The following PCDH1 variants were observed in gnomAD, a reference collection of about 807,000 sequenced individuals.
PCDH1 encodes protocadherin-1.
PCDH1 carries 23 observed loss-of-function variants against 74.6 expected under a neutral mutation model. That is an observed-to-expected ratio of 0.31 (90% CI 0.22 to 0.44). The LOEUF is 0.44. Ranked by LOEUF, PCDH1 falls within the 20% of genes least tolerant of loss-of-function variation. The pLI, the probability that PCDH1 is intolerant of heterozygous loss-of-function variation, is 1.00. For missense variants in PCDH1, 1,214 were observed against 1,641.4 expected (o/e 0.74, Z 4.50); for synonymous variants, 647 against 686.1 (o/e 0.94, Z 0.89).
chr5:141,868,541 T>C lies in PCDH1; in HGVS notation c.903+28A>G. On this transcript the variant is annotated intron_variant, in intron 2 of 4. Coordinates refer to ENST00000287008, the MANE Select transcript of PCDH1 (RefSeq NM_032420.5). This position sits in a 1 kb window ranked among gnomAD's most constrained non-coding sequence, Gnocchi z 4.8. ...TCCCATTTCTAGTGGTGGGTCACCC[T>C]GACAGTTATACGGAGGGGGCCTCTC... 9 of 1,518,380 alleles carry C rather than the reference T, an allele frequency of 5.9e-6. No homozygotes were observed. The highest frequency in any genetic ancestry group is 7.9e-6 in the Non-Finnish European group (9 of 1,135,320). 94.1% of individuals were successfully genotyped at this position (1,518,380 alleles called of 1,614,324 possible).
intron 1 of PCDH1, among the ~76,000 whole-genome samples, chr5:141,871,436 G>A (rs1402926504): frequency 1.3e-5 from 2 of 152,226 alleles, no homozygotes; most frequent in Non-Finnish European, 1.5e-5. Context: ...GGAGAAGAGC[G>A]AGGGTTGTGG....
intron 3 of PCDH1, among the ~76,000 whole-genome samples, chr5:141,861,859 G>GGA (rs150745431): frequency 6.6e-6 from 1 of 151,870 alleles, no homozygotes. Flanking sequence ...AGTGAGAGAT[G>GGA]GAGAGAGAGA....
intron 1 of PCDH1, among the ~76,000 whole-genome samples, chr5:141,872,734 G>A: frequency 6.6e-6 from 1 of 152,198 alleles, no homozygotes; most frequent in East Asian, 1.9e-4. Flanking sequence ...CTGAGGAGTT[G>A]TCTTACCTTC....
At chr5:141,858,119 T>C (rs554717247) in intron 3 of PCDH1, among the ~76,000 whole-genome samples, 1 of 152,314 alleles carries the variant, frequency 6.6e-6, no homozygotes, top group South Asian at 2.1e-4. Context: ...TTTCTTTTCT[T>C]ATCCTGTGTT....
At position 141,869,404 on chromosome 5, in the gene PCDH1, A is replaced by C. The variant is rs764095502; in HGVS notation, c.68T>G (p.Met23Arg). ...AALLILGPPR[M>R]EHLRHSPGPG... ...GCCTGGGCTGTGCCTCAGGTGCTCC[A>C]TCCTGGGAGGCCCCAGAATCAGGAG... is the stretch of plus-strand genomic sequence containing the variant. Residue 23 changes from methionine to arginine, a missense_variant, in exon 2 of 5, where the codon ATG becomes AGG. Around this residue, in one of 4 missense-constraint regions of PCDH1, gnomAD observed 87 missense variants for 87.7 expected, o/e 0.99. Transcript: ENST00000287008. The surrounding 1 kb of genome is among the most constrained non-coding windows in gnomAD (Gnocchi z 4.9). 5.0e-6 allele frequency: 8 copies of C among 1,597,962 alleles called. No individual in the cohort carries two copies. Among genetic ancestry groups the C allele is most frequent in the Non-Finnish European group, 6.8e-6 (8 of 1,178,262 alleles).
intron 1 of PCDH1, among the ~76,000 whole-genome samples, chr5:141,877,796 G>T (rs1753277925): frequency 6.6e-6 from 1 of 152,182 alleles, no homozygotes; most frequent in Non-Finnish European, 1.5e-5. Context: ...GTGAGCCGAG[G>T]TAGTTGCCCA....
At position 141,869,969 on chromosome 5, in the gene PCDH1, T is replaced by G. The variant is rs1753047574; in HGVS notation, c.41-538A>C. Among the ~76,000 whole-genome samples the G allele has an allele frequency of 6.6e-6, 1 of 152,194 alleles. No homozygotes were observed. The highest frequency in any genetic ancestry group is 2.1e-4 in the South Asian group (1 of 4,832). On this transcript the variant is annotated intron_variant, in intron 1 of 4. Transcript: ENST00000287008. The surrounding 1 kb of genome is among the most constrained non-coding windows in gnomAD (Gnocchi z 4.9). ...CTTACACACCCCAGACCCTGGGACC[T>G]TGACTTGTCACACTGGGCTCCATTA...
rs140555978 is a variant in PCDH1, at chr5:141,869,373, C to T, written c.99G>A (p.Gly33=). ...TGGAGGGCAGCAGTAGCCGTTGCCC[C>T]CCAGGGCCTGGGCTGTGCCTCAGGT... ...MEHLRHSPGP[G]GQRLLLPSML... is the part of the protein sequence containing the mutation. Residue 33 remains glycine (G), a synonymous_variant, in exon 2 of 5, where the codon GGG becomes GGA. Transcript: ENST00000287008. The surrounding 1 kb of genome is among the most constrained non-coding windows in gnomAD (Gnocchi z 4.9). 6.3e-6 allele frequency: 10 copies of T among 1,597,610 alleles called. No individual in the cohort carries two copies. The African/African-American group carries it at 1.3e-4, about 21-fold the overall frequency.
Position 141,857,419 on chromosome 5 carries a change from T to G in PCDH1, c.3152A>C (p.Gln1051Pro), listed in dbSNP as rs1401279008. Residue 1051 changes from glutamine to proline, a missense_variant, in exon 4 of 5, where the codon CAG becomes CCG. This residue lies in a region of PCDH1 where 836 missense variants were observed against 1,182.2 expected (regional missense o/e 0.71). Transcript: ENST00000287008. Reference protein sequence around the residue: ...FSATSQAQELQDPSQHSYYDS... With the variant: ...FSATSQAQELPDPSQHSYYDS... ...ATAGTAACTGTGCTGGGATGGGTCCTGCAGCTCCTGGGCCTGGCTGGTGGC... is the reference window on the plus strand; with the variant it reads ...ATAGTAACTGTGCTGGGATGGGTCCGGCAGCTCCTGGGCCTGGCTGGTGGC... 1 of 1,614,086 alleles carries G rather than the reference T, an allele frequency of 6.2e-7. No individual in the cohort carries two copies. The highest frequency in any genetic ancestry group is 1.7e-5 in the Admixed American group (1 of 60,016).
chr5:141,856,340 G>T, intron 4 of PCDH1: 1 of 1,141,678 alleles, frequency 8.8e-7, no homozygotes, highest in South Asian at 1.3e-5. Context: ...GGCACTCTGA[G>T]ACCTAGGGCC....
chr5:141,873,786 A>C (rs1714577707), intron 1 of PCDH1, among the ~76,000 whole-genome samples: 1 of 152,088 alleles, frequency 6.6e-6, no homozygotes, highest in Non-Finnish European at 1.5e-5. Context: ...CACCTTTGCC[A>C]TCATAATCAC....
At chr5:141,867,412 G>A (rs961411164) in intron 2 of PCDH1, 12 of 344,052 alleles carry the variant, frequency 3.5e-5, no homozygotes, top group African/African-American at 8.7e-5. Flanking sequence ...GATATCAGGC[G>A]AGTTTTCTAA....
chr5:141,871,809 C>A (rs917204307), intron 1 of PCDH1, among the ~76,000 whole-genome samples: 1 of 152,128 alleles, frequency 6.6e-6, no homozygotes, highest in East Asian at 1.9e-4. Flanking sequence ...ATTTTGCTCT[C>A]TAGGCTTAGC....
At chr5:141,876,564 A>G (rs1466850091) in intron 1 of PCDH1, among the ~76,000 whole-genome samples, 1 of 152,258 alleles carries the variant, frequency 6.6e-6, no homozygotes, top group East Asian at 1.9e-4. Context: ...CAGAAGAAAT[A>G]GTAGCCGACC....
chr5:141,868,880 C>T lies in PCDH1; in HGVS notation c.592G>A (p.Gly198Ser). 6.2e-7 allele frequency: 1 copy of T among 1,614,242 alleles called. No individual in the cohort carries two copies. The highest frequency in any genetic ancestry group is 8.5e-7 in the Non-Finnish European group (1 of 1,180,050). Residue 198 changes from glycine to serine, a missense_variant, in exon 2 of 5, where the codon GGT (glycine) becomes AGT (serine). By Grantham distance (56) the Gly-to-Ser change is moderately conservative (BLOSUM62 0). Transcript: ENST00000287008. The surrounding 1 kb of genome is among the most constrained non-coding windows in gnomAD (Gnocchi z 4.8). ...PIPLASDRDA[G>S]PNGVASYELQ... ...TCATAGGATGCCACACCGTTGGGAC[C>T]AGCATCACGGTCTGAAGCCAGCGGG... is the stretch of plus-strand genomic sequence containing the variant.
chr5:141,857,671 C>T (rs777477175), intron 3 of PCDH1, among the ~76,000 whole-genome samples, 200 bp from the exon 4 acceptor site: 1 of 152,148 alleles, frequency 6.6e-6, no homozygotes, highest in Non-Finnish European at 1.5e-5. Context: ...TAGGACCGCT[C>T]CTAGTACAGC....
rs780677775 is a variant in PCDH1, at chr5:141,865,111, T to C, written c.1220A>G (p.Asp407Gly). 17 of 1,614,018 alleles carry C rather than the reference T, an allele frequency of 1.1e-5. No homozygotes were observed. Among genetic ancestry groups the C allele is most frequent in the African/African-American group, 1.3e-5 (1 of 74,886 alleles). Residue 407 changes from aspartate to glycine, a missense_variant, in exon 3 of 5, where the codon GAT becomes GGT. Asp to Gly is a moderately conservative substitution (Grantham distance 94, BLOSUM62 -1). Transcript: ENST00000287008. The surrounding 1 kb of genome is among the most constrained non-coding windows in gnomAD (Gnocchi z 4.4). ...GGCCACAGCTGTCTCCTCTGCCACA[T>C]CCTCTGAGATGTTAGCCATCCCATC... ...HQDGMANISEDVAEETAVALV... is the reference protein window; with the variant it reads ...HQDGMANISEGVAEETAVALV...
chr5:141,856,284 G>C, intron 4 of PCDH1: 1 of 1,534,006 alleles, frequency 6.5e-7, no homozygotes, highest in Non-Finnish European at 8.7e-7. Context: ...CAAAAAGGAT[G>C]AGACGGGCAT....
In PCDH1 at chr5:141,865,594, T is replaced by C. The variant is rs767678138; in HGVS notation, c.904-167A>G. ...CCATGTGTGTCCTGCCTTTTCCCAA[T>C]TCGGACATTCTGGCAGGCATTACTA... On this transcript the variant is annotated intron_variant, in intron 2 of 4. Coordinates refer to ENST00000287008, the MANE Select transcript of PCDH1 (RefSeq NM_032420.5). This position sits in a 1 kb window ranked among gnomAD's most constrained non-coding sequence, Gnocchi z 4.4. Among the ~76,000 whole-genome samples, 15 of 152,216 alleles carry C rather than the reference T, an allele frequency of 9.9e-5. No homozygotes were observed. The highest frequency in any genetic ancestry group is 1.9e-4 in the Non-Finnish European group (13 of 68,038).
Sources: gnomAD v4.1 joint callset for allele counts (sites outside exome capture counted in the v4.1 genomes callset) on GRCh38, gnomAD v4.1.1 for gene constraint, gnomAD v4.1.1 regional missense constraint, Gnocchi (gnomAD v3.1) non-coding constraint, MANE v1.5 for transcripts, NCBI Gene and HGNC (gene_info 2026-07-23, HGNC 2026-07-21) for gene names.